CASS4: variants seen among roughly 807,000 people sequenced by gnomAD.
CASS4 encodes cas scaffolding protein family member 4.
CASS4 carries 22 observed loss-of-function variants against 54.2 expected under a neutral mutation model. The observed-to-expected ratio is 0.41, with a 90% CI of 0.29 to 0.58. The LOEUF is 0.58. Among genes scored for constraint, CASS4 ranks in the 20% least tolerant of loss-of-function variants. CASS4 has a pLI of 0.36. For missense variants in CASS4, 854 were observed against 986.7 expected (o/e 0.87, Z 1.80); for synonymous variants, 409 against 391.5 (o/e 1.04, Z -0.53).
At chr20:56,457,390 G>A (rs1186484358) in intron 5 of CASS4, among the ~76,000 whole-genome samples, 5 of 152,168 alleles carry the variant, frequency 3.3e-5, no homozygotes, top group Non-Finnish European at 7.3e-5. Flanking sequence ...GTTACCTGGA[G>A]TTGTGGCCAC....
chr20:56,435,098 G>A (rs2146278834), intron 1 of CASS4, among the ~76,000 whole-genome samples: 1 of 152,252 alleles, frequency 6.6e-6, no homozygotes, highest in East Asian at 1.9e-4. Flanking sequence ...GTCTTTCTGG[G>A]TGCGTGAAGG....
intron 1 of CASS4, among the ~76,000 whole-genome samples, chr20:56,419,351 C>A (rs917092072): frequency 6.6e-6 from 1 of 152,148 alleles, no homozygotes; most frequent in Non-Finnish European, 1.5e-5. Context: ...CACACACCTA[C>A]GAAAAGCATA....
At position 56,450,828 on chromosome 20, in the gene CASS4, G is replaced by T. The variant is rs1980960898; in HGVS notation, c.642+149G>T. The T allele has an allele frequency of 1.4e-5, 9 of 643,392 alleles. 1 individual carries two copies. In the South Asian group the frequency reaches 1.6e-4, roughly 11 times the overall value. 39.9% of individuals were successfully genotyped at this position (643,392 alleles called of 1,614,324 possible). ...GTGAGTGCATCACCTGAGGTTGGGA[G>T]TTCAAGACCAGCCTGGCCAACATGG... On this transcript the variant is annotated intron_variant, in intron 4 of 5. Coordinates refer to ENST00000679887, the MANE Select transcript of CASS4 (RefSeq NM_020356.4).
At chr20:56,438,963 T>C (rs1021263140) in intron 2 of CASS4, among the ~76,000 whole-genome samples, 1 of 152,238 alleles carries the variant, frequency 6.6e-6, no homozygotes. Context: ...GCTCCAGGCA[T>C]AGTTACCCCA....
chr20:56,444,618 C>T (rs1342444201), intron 2 of CASS4, among the ~76,000 whole-genome samples: 1 of 152,126 alleles, frequency 6.6e-6, no homozygotes, highest in Non-Finnish European at 1.5e-5. Context: ...TTTTAAAGTT[C>T]CCCAGGGGAC....
At chr20:56,440,873 C>A (rs1178482784) in intron 2 of CASS4, among the ~76,000 whole-genome samples, 1 of 152,164 alleles carries the variant, frequency 6.6e-6, no homozygotes, top group Non-Finnish European at 1.5e-5. Flanking sequence ...CAGTAAAACC[C>A]CCCAGGGGAA....
rs554752564 is a variant in CASS4 at position 56,449,357 on chromosome 20, G to A, written c.562-1242G>A. 2.0e-5 allele frequency among the ~76,000 whole-genome samples: 3 copies of A among 152,190 alleles called. No homozygotes were observed. In the East Asian group the frequency reaches 5.8e-4, roughly 29 times the overall value. ...CATCATTCTGCACAAACTATTGCAA[G>A]GACAGAAAACCAAACAACGCATGTT... On this transcript the variant is annotated intron_variant, in intron 3 of 5. Coordinates refer to ENST00000679887, the MANE Select transcript of CASS4 (RefSeq NM_020356.4).
At chr20:56,420,142 G>A (rs1423916018) in intron 1 of CASS4, among the ~76,000 whole-genome samples, 1 of 152,188 alleles carries the variant, frequency 6.6e-6, no homozygotes, top group East Asian at 1.9e-4. Flanking sequence ...TGGCCACTCA[G>A]AGAGTTTCTC....
Position 56,430,132 on chromosome 20 carries a change from C to T in CASS4, c.37-7032C>T, listed in dbSNP as rs1308095948. ...GAATGAATTGCTCCCCAGATTTCTC[C>T]AAGTGCAGCTAAGACCACTGTATCC... On this transcript the variant is annotated intron_variant, in intron 1 of 5. Transcript: ENST00000679887. This position sits in a 1 kb window ranked among gnomAD's most constrained non-coding sequence, Gnocchi z 4.2. Among the ~76,000 whole-genome samples the T allele has an allele frequency of 6.6e-6, 1 of 152,196 alleles. No homozygotes were observed. The highest frequency in any genetic ancestry group is 1.5e-5 in the Non-Finnish European group (1 of 68,042).
In CASS4 at chr20:56,430,296, C is replaced by A. The variant is rs950716188; in HGVS notation, c.37-6868C>A. Among the ~76,000 whole-genome samples the A allele has an allele frequency of 6.6e-6, 1 of 152,188 alleles. No individual in the cohort carries two copies. Among genetic ancestry groups the A allele is most frequent in the Non-Finnish European group, 1.5e-5 (1 of 68,040 alleles). ...CCCTATCCTCCTCCTGTTCTTCCTT[C>A]CAAATGCATATTCATTTTCCTTTTC... On this transcript the variant is annotated intron_variant, in intron 1 of 5. Transcript: ENST00000679887. The surrounding 1 kb of genome is among the most constrained non-coding windows in gnomAD (Gnocchi z 4.2).
chr20:56,436,859 C>A (rs1167201846), intron 1 of CASS4, among the ~76,000 whole-genome samples: 1 of 152,046 alleles, frequency 6.6e-6, no homozygotes, highest in African/African-American at 2.4e-5. Flanking sequence ...TGCACTCCAG[C>A]CTGGGCAACA....
At chr20:56,419,045 C>G (rs1027987842) in intron 1 of CASS4, among the ~76,000 whole-genome samples, 2 of 152,114 alleles carry the variant, frequency 1.3e-5, no homozygotes, top group African/African-American at 2.4e-5. Flanking sequence ...CACCCCAAAA[C>G]TTAAAAGGTC....
At position 56,452,195 on chromosome 20, in the gene CASS4, T is replaced by A; in HGVS notation, c.1019T>A (p.Val340Glu). The A allele has an allele frequency of 6.2e-7, 1 of 1,614,020 alleles. No individual in the cohort carries two copies. The highest frequency in any genetic ancestry group is 1.7e-5 in the Admixed American group (1 of 60,016). ...CCTTCAAGCTTTCTGATTCCCCGAG[T>A]GGAACAGCAGAACACCAAGCCCAAT... Reference protein sequence around the residue: ...KVPSSFLIPRVEQQNTKPNIY... With the variant: ...KVPSSFLIPREEQQNTKPNIY... Residue 340 changes from valine to glutamate, a missense_variant, in exon 5 of 6, where the codon GTG (valine) becomes GAG (glutamate). Physicochemically the swap from Val to Glu is moderately radical, Grantham distance 121. Transcript: ENST00000679887.
In CASS4 at chr20:56,458,855, G is replaced by A; in HGVS notation, c.*108G>A. 1.7e-6 allele frequency: 2 copies of A among 1,152,482 alleles called. No homozygotes were observed. Among genetic ancestry groups the A allele is most frequent in the East Asian group, 2.6e-5 (1 of 38,462 alleles). 71.4% of individuals were successfully genotyped at this position (1,152,482 alleles called of 1,614,324 possible). A position where few individuals can be genotyped will look rare whatever the true frequency, so the allele number is the denominator to read the frequency against. On this transcript the variant is annotated 3_prime_UTR_variant, in exon 6 of 6. Coordinates refer to ENST00000679887, the MANE Select transcript of CASS4 (RefSeq NM_020356.4). Reference sequence around the variant, plus strand: ...CAGCCGGGGCATACACCAATGAGCTGAAACAGACCTGGTGCCCAAAGCTGG... The same window carrying A: ...CAGCCGGGGCATACACCAATGAGCTAAAACAGACCTGGTGCCCAAAGCTGG...
At chr20:56,428,355 A>G (rs1281836399) in intron 1 of CASS4, among the ~76,000 whole-genome samples, 1 of 152,184 alleles carries the variant, frequency 6.6e-6, no homozygotes, top group African/African-American at 2.4e-5. Context: ...TAGTCTTGAC[A>G]ACTCAACAGG....
intron 2 of CASS4, among the ~76,000 whole-genome samples, chr20:56,441,058 G>T (rs1467423634): frequency 6.7e-6 from 1 of 148,824 alleles, no homozygotes; most frequent in African/African-American, 2.5e-5. Context: ...GCGTGATCTC[G>T]GCTCACTGCA....
intron 2 of CASS4, among the ~76,000 whole-genome samples, chr20:56,441,970 T>C (rs1032217681): frequency 1.3e-5 from 2 of 152,358 alleles, no homozygotes; most frequent in South Asian, 4.1e-4. Flanking sequence ...TCCCTGCTCA[T>C]GTCATCTAGC....
rs373604871 is a variant in CASS4, at chr20:56,458,722, G to A, written c.2336G>A (p.Arg779Gln). 12 of 1,608,878 alleles carry A rather than the reference G, an allele frequency of 7.5e-6. No individual in the cohort carries two copies. The African/African-American group carries it at 1.1e-4, about 14-fold the overall frequency. Residue 779 changes from arginine (R) to glutamine (Q), a missense_variant, in exon 6 of 6, where the codon CGG becomes CAG. Physicochemically the swap from Arg to Gln is conservative, Grantham distance 43. Transcript: ENST00000679887. ...AEAEKLEQHT[R>Q]QFRGTLG ...GCTGAGAAGCTGGAGCAACACACGC[G>A]GCAGTTCAGAGGGACACTGGGATGA...
intron 1 of CASS4, among the ~76,000 whole-genome samples, chr20:56,434,827 A>G (rs1285763744): frequency 6.6e-6 from 1 of 152,186 alleles, no homozygotes; most frequent in Non-Finnish European, 1.5e-5. Flanking sequence ...TAAAACTTTA[A>G]TGATGACTCT....
Sources: allele counts gnomAD v4.1 joint callset (sites outside exome capture counted in the v4.1 genomes callset), GRCh38; gene constraint gnomAD v4.1.1; non-coding constraint Gnocchi (gnomAD v3.1); transcripts MANE v1.5; gene names NCBI Gene and HGNC (gene_info 2026-07-23, HGNC 2026-07-21).